ATP13A4: variants seen among roughly 807,000 people sequenced by gnomAD.
The protein encoded by ATP13A4 is probable cation-transporting ATPase 13A4.
In ATP13A4, 114 loss-of-function variants were observed where a neutral mutation model predicts 142.5. The ratio of observed to expected loss-of-function variants is 0.80; its 90% CI spans 0.69 to 0.93. The LOEUF (loss-of-function observed/expected upper bound fraction) is 0.93, where lower values mean the gene tolerates loss of function less well. Ranked by LOEUF, ATP13A4 falls within the 40% of genes least tolerant of loss-of-function variation. The pLI is 0.00. For synonymous variants in ATP13A4, 488 were observed against 514.8 expected (o/e 0.95, Z 0.70); for missense variants, 1,392 against 1,454.0 (o/e 0.96, Z 0.69).
At chr3:193,491,175 T>C (rs915414215) in intron 6 of ATP13A4, among the ~76,000 whole-genome samples, 154 bp downstream of exon 6, 2 of 151,978 alleles carry the variant, frequency 1.3e-5, no homozygotes, top group African/African-American at 2.4e-5. Context: ...AGAAAAAGAG[T>C]AAGCAAGAGA....
At chr3:193,470,720 G>GC (rs1718568105) in intron 9 of ATP13A4, 139 bp downstream of exon 9, 1 of 1,207,516 alleles carries the variant, frequency 8.3e-7, no homozygotes, top group African/African-American at 1.5e-5. Flanking sequence ...AAGATTTGTG[G>GC]CAACGGGAAG....
At chr3:193,497,002 G>T (rs371265641) in intron 3 of ATP13A4, among the ~76,000 whole-genome samples, 1 of 151,942 alleles carries the variant, frequency 6.6e-6, no homozygotes, top group Admixed American at 6.6e-5. Context: ...CATGACATTG[G>T]TCTGGGCAAG....
At chr3:193,432,730 T>A (rs977946696) in intron 25 of ATP13A4, among the ~76,000 whole-genome samples, 1 of 151,416 alleles carries the variant, frequency 6.6e-6, no homozygotes, top group African/African-American at 2.4e-5. Flanking sequence ...GAACTTAAAG[T>A]ATAATAATAA....
intron 2 of ATP13A4, among the ~76,000 whole-genome samples, chr3:193,576,454 G>C (rs1724398742): frequency 6.7e-6 from 1 of 149,600 alleles, no homozygotes; most frequent in Non-Finnish European, 1.5e-5. Context: ...TGTATTTTTA[G>C]TAGAGACGGG....
intron 7 of ATP13A4, among the ~76,000 whole-genome samples, chr3:193,487,241 A>C (rs1248534321): frequency 6.6e-6 from 1 of 151,998 alleles, no homozygotes; most frequent in Non-Finnish European, 1.5e-5. Context: ...GTACTGGGGA[A>C]AAAAAAATAT....
At chr3:193,476,713 AG>A (rs1312216806) in intron 8 of ATP13A4, among the ~76,000 whole-genome samples, 1 of 151,972 alleles carries the variant, frequency 6.6e-6, no homozygotes, top group African/African-American at 2.4e-5. Flanking sequence ...AAACCAGGGT[AG>A]GGTTATTTAT....
intron 25 of ATP13A4, among the ~76,000 whole-genome samples, chr3:193,425,004 A>T (rs1288226577): frequency 6.7e-6 from 1 of 149,250 alleles, no homozygotes; most frequent in African/African-American, 2.5e-5. Flanking sequence ...TAGCAAAAAT[A>T]ATAATAAAAT....
At chr3:193,542,396 C>T (rs372649176) in intron 1 of ATP13A4, among the ~76,000 whole-genome samples, 1 of 152,052 alleles carries the variant, frequency 6.6e-6, no homozygotes, top group Non-Finnish European at 1.5e-5. Context: ...GGCCACACTG[C>T]CCAAAGTAAT....
intron 28 of ATP13A4, among the ~76,000 whole-genome samples, chr3:193,408,796 C>T (rs1560167853): frequency 6.7e-6 from 1 of 149,870 alleles, no homozygotes; most frequent in Admixed American, 7.6e-5. Flanking sequence ...TCTTCCCTCC[C>T]TTCGTTTTAG....
chr3:193,429,782 T>A (rs893854770), intron 25 of ATP13A4, among the ~76,000 whole-genome samples: 1 of 152,026 alleles, frequency 6.6e-6, no homozygotes, highest in South Asian at 2.1e-4. Context: ...TTTTGTTATA[T>A]AATTTTACCA....
intron 3 of ATP13A4, among the ~76,000 whole-genome samples, chr3:193,500,483 G>A (rs559487599): frequency 9.9e-5 from 15 of 152,206 alleles, no homozygotes; most frequent in African/African-American, 3.6e-4. Flanking sequence ...ATTTTTTCAC[G>A]AATCTTGGGG....
At chr3:193,511,642 C>G (rs1172177670) in intron 2 of ATP13A4, among the ~76,000 whole-genome samples, 1 of 152,176 alleles carries the variant, frequency 6.6e-6, no homozygotes, top group African/African-American at 2.4e-5. Context: ...TTGCAAATGC[C>G]TTTTACATAG....
Position 193,483,953 on chromosome 3 carries a change from G to A in ATP13A4, c.791C>T (p.Ser264Phe). ...LVESHNSITV[S>F]VCGRKAGVQE... ...GAACTTACCTTTTCTCCCACATACA[G>A]AGACCGTAATGCTATTATGTGACTC... Residue 264 changes from serine to phenylalanine, a missense_variant, in exon 8 of 30, where the codon TCT (serine) becomes TTT (phenylalanine). Transcript: ENST00000342695. 1 of 1,605,732 alleles carries A rather than the reference G, an allele frequency of 6.2e-7. No individual in the cohort carries two copies. Among genetic ancestry groups the A allele is most frequent in the Non-Finnish European group, 8.5e-7 (1 of 1,172,570 alleles).
rs1430556849 is a variant in ATP13A4, at chr3:193,411,180, A to C, written c.3209-110T>G. 10 of 772,400 alleles carry C rather than the reference A, an allele frequency of 1.3e-5. No individual in the cohort carries two copies. The East Asian group carries it at 2.5e-4, about 19-fold the overall frequency. The allele number at this position is 772,400 out of a possible 1,614,324, so 47.8% of individuals were successfully genotyped here. ...CACTGATTTAATTTACTTGATTTCT[A>C]CATCCAAATACTAGATGGAAAGTAT... On this transcript the variant is annotated intron_variant, in intron 27 of 29. Coordinates refer to ENST00000342695, the MANE Select transcript of ATP13A4 (RefSeq NM_032279.4).
Position 193,400,387 on chromosome 3 carries a change from A to C in ATP13A4, c.*2265T>G, listed in dbSNP as rs763633874. The stretch of plus-strand genomic sequence containing the variant: ...TAGGATCAAGGCAAGAGCAACTCAA[A>C]GTCTCAGAAAGACAGACAATCATTT... On this transcript the variant is annotated 3_prime_UTR_variant, in exon 30 of 30. Coordinates refer to ENST00000342695, the MANE Select transcript of ATP13A4 (RefSeq NM_032279.4). 5.1e-4 allele frequency among the ~76,000 whole-genome samples: 77 copies of C among 152,360 alleles called. 1 individual carries two copies. The Middle Eastern group carries it at 0.017, about 34-fold the overall frequency.
At chr3:193,448,539 T>C (rs1717090507) in intron 17 of ATP13A4, among the ~76,000 whole-genome samples, 2 of 152,184 alleles carry the variant, frequency 1.3e-5, no homozygotes, top group South Asian at 4.1e-4. Context: ...TTTCACCATG[T>C]TGGCTAGGCT....
At chr3:193,471,949 G>A (rs181491213) in intron 8 of ATP13A4, among the ~76,000 whole-genome samples, 1 of 152,160 alleles carries the variant, frequency 6.6e-6, no homozygotes, top group Non-Finnish European at 1.5e-5. Context: ...ACCTGGTATA[G>A]GGTGTCAGAG....
At chr3:193,454,349 T>C (rs185150168) in intron 16 of ATP13A4, 137 bp from the exon 17 acceptor site, 1 of 710,328 alleles carries the variant, frequency 1.4e-6, no homozygotes, top group African/African-American at 1.7e-5. Context: ...CAGTTGAAAA[T>C]TCTAAACATA....
At chr3:193,490,341 G>A (rs1719877750) in intron 6 of ATP13A4, among the ~76,000 whole-genome samples, 2 of 152,180 alleles carry the variant, frequency 1.3e-5, no homozygotes, top group Admixed American at 1.3e-4. Context: ...CTTCAGAAAG[G>A]TGAAGTATTA....
Sources: allele counts gnomAD v4.1 joint callset (sites outside exome capture counted in the v4.1 genomes callset), GRCh38; gene constraint gnomAD v4.1.1; transcripts MANE v1.5; gene names NCBI Gene and HGNC (gene_info 2026-07-23, HGNC 2026-07-21).